Variants in UNC79 observed in about 807,000 individuals in gnomAD.
UNC79 encodes the protein unc-79 subunit of NALCN channel complex, also known as protein unc-79 homolog.
In UNC79, 37 loss-of-function variants were observed where a neutral mutation model predicts 283.1. That is an observed-to-expected ratio of 0.13 (90% CI 0.10 to 0.17). The LOEUF (loss-of-function observed/expected upper bound fraction) is 0.17, where lower values mean the gene tolerates loss of function less well. Ranked by LOEUF, UNC79 falls within the 10% of genes least tolerant of loss-of-function variation. UNC79 has a pLI of 1.00. For missense variants in UNC79, 2,272 were observed against 3,211.1 expected, an observed-to-expected ratio of 0.71 and a Z score of 7.07; for synonymous variants, 1,107 against 1,200.2, an observed-to-expected ratio of 0.92 and a Z score of 1.61.
intron 1 of UNC79, among the ~76,000 whole-genome samples, chr14:93,432,116 G>A (rs2055904856): frequency 6.6e-6 from 1 of 152,314 alleles, no homozygotes; most frequent in East Asian, 1.9e-4. Flanking sequence ...TCTTTGGAAT[G>A]GCTACTAAAG....
chr14:93,542,523 G>T, exon 14 of UNC79: 1 of 1,614,218 alleles, frequency 6.2e-7, no homozygotes, highest in Non-Finnish European at 8.5e-7. Flanking sequence ...CCGGCTGGTG[G>T]CCATGGTGTT....
At chr14:93,691,068 A>G (rs975666058) in intron 45 of UNC79, 10 of 153,460 alleles carry the variant, frequency 6.5e-5, no homozygotes, top group African/African-American at 2.2e-4. Context: ...TAGGCAGTCG[A>G]TTCCTAATAT....
At chr14:93,510,779 T>C (rs554610902) in intron 7 of UNC79, among the ~76,000 whole-genome samples, 5 of 152,312 alleles carry the variant, frequency 3.3e-5, no homozygotes, top group African/African-American at 1.2e-4. Flanking sequence ...CCAAACTTTC[T>C]GTCATTTTCC....
chr14:93,671,454 A>G (rs1412341039), intron 40 of UNC79, among the ~76,000 whole-genome samples: 1 of 152,114 alleles, frequency 6.6e-6, no homozygotes, highest in East Asian at 1.9e-4. Context: ...AGAATATACA[A>G]GGAACTCAAA....
In UNC79 at chr14:93,688,941, T is replaced by C; in HGVS notation, c.7085+101T>C. On this transcript the variant is annotated intron_variant, in intron 44 of 48. Coordinates refer to ENST00000555664, the Ensembl canonical transcript of UNC79. This position sits in a 1 kb window ranked among gnomAD's most constrained non-coding sequence, Gnocchi z 4.0. Reference sequence around the variant, plus strand: ...AGTTAAGGAGTACACCGAAGATTTATGACAGTGGAATATACTTGGTTAGGA... The same window carrying C: ...AGTTAAGGAGTACACCGAAGATTTACGACAGTGGAATATACTTGGTTAGGA... 1 of 1,306,836 alleles carries C rather than the reference T, an allele frequency of 7.7e-7. No individual in the cohort carries two copies. The highest frequency in any genetic ancestry group is 1.0e-6 in the Non-Finnish European group (1 of 961,024). The allele number at this position is 1,306,836 out of a possible 1,614,324, so 81.0% of individuals were successfully genotyped here. A position where few individuals can be genotyped will look rare whatever the true frequency, so the allele number is the denominator to read the frequency against.
In UNC79 at chr14:93,540,820, A is replaced by G; in HGVS notation, c.1513A>G (p.Ile505Val). ...TCAGAGGCTGCTCAGTCAATTCGGA[A>G]TATGGTTCTTAGTAAGAAAAAGAAG... Residue 505 changes from isoleucine to valine, a missense_variant, in exon 13 of 49, where the codon ATA becomes GTA. By Grantham distance (29) the Ile-to-Val change is conservative. Coordinates refer to ENST00000555664, the Ensembl canonical transcript of UNC79. The G allele has an allele frequency of 6.2e-7, 1 of 1,612,710 alleles. No homozygotes were observed. Among genetic ancestry groups the G allele is most frequent in the Admixed American group, 1.7e-5 (1 of 59,944 alleles).
At chr14:93,401,124 C>T (rs553327829) in intron 1 of UNC79, among the ~76,000 whole-genome samples, 5 of 152,274 alleles carry the variant, frequency 3.3e-5, no homozygotes, top group East Asian at 3.9e-4. Context: ...AAAATGTGAG[C>T]TTGAATCTTG....
In UNC79 at chr14:93,659,002, T is replaced by C. The variant is rs149477059; in HGVS notation, c.6457-191T>C. On this transcript the variant is annotated intron_variant, in intron 38 of 48. Coordinates refer to ENST00000555664, the Ensembl canonical transcript of UNC79. ...ATTTAATTGTTTACCATTGTATAAT[T>C]GTTTAATTAAAATTGTTTTAACCTG... is the stretch of plus-strand genomic sequence containing the variant. Among the ~76,000 whole-genome samples the C allele has an allele frequency of 1.1e-4, 16 of 152,340 alleles. No homozygotes were observed. The East Asian group carries it at 2.1e-3, about 20-fold the overall frequency.
At chr14:93,444,158 G>A (rs2056396365) in intron 1 of UNC79, among the ~76,000 whole-genome samples, 1 of 152,100 alleles carries the variant, frequency 6.6e-6, no homozygotes, top group Non-Finnish European at 1.5e-5. Context: ...GTGTGCAGTG[G>A]TATCTTGTGG....
At chr14:93,379,491 G>T (rs1184323802) in intron 1 of UNC79, among the ~76,000 whole-genome samples, 1 of 152,054 alleles carries the variant, frequency 6.6e-6, no homozygotes, top group African/African-American at 2.4e-5. Flanking sequence ...CTTACATCCT[G>T]CAGACATTTA....
intron 1 of UNC79, chr14:93,347,412 C>T: frequency 6.7e-7 from 1 of 1,484,460 alleles, no homozygotes; most frequent in Non-Finnish European, 8.9e-7. Flanking sequence ...GAGGCCCAGC[C>T]ATCATGGTGG....
intron 1 of UNC79, among the ~76,000 whole-genome samples, chr14:93,372,996 A>G (rs2054484458): frequency 6.6e-6 from 1 of 152,258 alleles, no homozygotes; most frequent in African/African-American, 2.4e-5. Flanking sequence ...CGAAACCAGA[A>G]TACAATAACA....
rs766390742 is a variant in UNC79, at chr14:93,637,208, A to G, written c.5717-8A>G. ...CATCAAAGACTGAAACCCTCTATTT[A>G]TCCACAGAACAGATACAGCCTGGGA... is the stretch of plus-strand genomic sequence containing the variant. On this transcript the variant is annotated splice_region_variant and splice_polypyrimidine_tract_variant and intron_variant, in intron 31 of 48. Transcript: ENST00000555664. The G allele has an allele frequency of 8.2e-6, 9 of 1,099,366 alleles. No homozygotes were observed. Among genetic ancestry groups the G allele is most frequent in the Middle Eastern group, 2.0e-4 (1 of 5,096 alleles). 68.1% of individuals were successfully genotyped at this position (1,099,366 alleles called of 1,614,324 possible).
At chr14:93,404,493 A>AAAAAAAAAAAAAATATATATAT in intron 1 of UNC79, among the ~76,000 whole-genome samples, 9 of 61,496 alleles carry the variant, frequency 1.5e-4, no homozygotes, top group Admixed American at 4.7e-4. Context: ...TTCTAAAAAA[A>AAAAAAAAAAAAAATATATATAT]ATATATATAT....
At chr14:93,550,797 G>T (rs2061853089) in intron 14 of UNC79, among the ~76,000 whole-genome samples, 2 of 151,778 alleles carry the variant, frequency 1.3e-5, no homozygotes, top group African/African-American at 4.8e-5. Flanking sequence ...AAAGCAATTT[G>T]GCAATATTTT....
chr14:93,658,866 C>T (rs2071235878), intron 38 of UNC79, among the ~76,000 whole-genome samples: 1 of 152,108 alleles, frequency 6.6e-6, no homozygotes, highest in Non-Finnish European at 1.5e-5. Context: ...ATCCATCCAT[C>T]CATCCATCCA....
intron 1 of UNC79, among the ~76,000 whole-genome samples, chr14:93,414,040 C>T (rs1414413097): frequency 2.2e-4 from 33 of 152,136 alleles, no homozygotes; most frequent in Non-Finnish European, 5.9e-5. Context: ...AATTAGATCC[C>T]ATTTGTCAAT....
chr14:93,551,195 G>A (rs1271562149), intron 14 of UNC79, among the ~76,000 whole-genome samples: 1 of 152,050 alleles, frequency 6.6e-6, no homozygotes, highest in Non-Finnish European at 1.5e-5. Context: ...GACTACAGGC[G>A]CCCGTCACTA....
intron 1 of UNC79, chr14:93,348,032 T>C: frequency 6.2e-7 from 1 of 1,604,872 alleles, no homozygotes; most frequent in Non-Finnish European, 8.5e-7. Flanking sequence ...TTCCAGGAAA[T>C]GGCTGTTGGA....
Sources: allele counts gnomAD v4.1 joint callset (sites outside exome capture counted in the v4.1 genomes callset), GRCh38; gene constraint gnomAD v4.1.1; non-coding constraint Gnocchi (gnomAD v3.1); transcripts MANE v1.5; gene names NCBI Gene and HGNC (gene_info 2026-07-23, HGNC 2026-07-21).